The following AGPAT3 variants were observed in gnomAD, a reference collection of about 807,000 sequenced individuals.
AGPAT3 encodes the protein 1-acylglycerol-3-phosphate O-acyltransferase 3.
A neutral mutation model predicts 47.3 loss-of-function variants in AGPAT3; 5 were observed. That is an observed-to-expected ratio of 0.11 (90% CI 0.06 to 0.22). The LOEUF is 0.22. AGPAT3 is among the 10% of genes least tolerant of loss of function. The pLI is 1.00. For missense variants in AGPAT3, 315 were observed against 493.0 expected, an observed-to-expected ratio of 0.64 and a Z score of 3.42; for synonymous variants, 212 against 208.3, an observed-to-expected ratio of 1.02 and a Z score of -0.15.
At chr21:43,876,112 T>C (rs1459616853) in intron 1 of AGPAT3, among the ~76,000 whole-genome samples, 1 of 152,124 alleles carries the variant, frequency 6.6e-6, no homozygotes, top group Non-Finnish European at 1.5e-5. Context: ...ATTTTTTTAA[T>C]AGTTATATTT....
Position 43,920,350 on chromosome 21 carries a change from C to T in AGPAT3, c.-49+16331C>T, listed in dbSNP as rs1257481389. On this transcript the variant is annotated intron_variant, in intron 2 of 9. Coordinates refer to ENST00000291572, the MANE Select transcript of AGPAT3 (RefSeq NM_020132.5). The surrounding 1 kb of genome is among the most constrained non-coding windows in gnomAD (Gnocchi z 6.1). The stretch of plus-strand genomic sequence containing the variant: ...GTGTGACTCGGCTGAGAGGAGACAG[C>T]GCAGCTGGGCAGGTGATGCTTGGTG... 6.6e-6 allele frequency among the ~76,000 whole-genome samples: 1 copy of T among 152,074 alleles called. No individual in the cohort carries two copies. Among genetic ancestry groups the T allele is most frequent in the Non-Finnish European group, 1.5e-5 (1 of 68,012 alleles).
Position 43,971,368 on chromosome 21 carries a change from C to T in AGPAT3, c.665-20C>T. The stretch of plus-strand genomic sequence containing the variant: ...CAGCCGCCTGGGCTGGGTCATTCAC[C>T]CTCCCGTCTCCTCCCACAGTCGCAG... On this transcript the variant is annotated intron_variant, in intron 6 of 9. Transcript: ENST00000291572. 1 of 1,610,686 alleles carries T rather than the reference C, an allele frequency of 6.2e-7. No individual in the cohort carries two copies. The highest frequency in any genetic ancestry group is 8.5e-7 in the Non-Finnish European group (1 of 1,176,906).
At chr21:43,869,841 G>A (rs950255651) in intron 1 of AGPAT3, among the ~76,000 whole-genome samples, 4 of 152,272 alleles carry the variant, frequency 2.6e-5, no homozygotes, top group Middle Eastern at 3.4e-3. Flanking sequence ...GCTCCATGGC[G>A]GCCTCAGAAA....
At position 43,933,874 on chromosome 21, in the gene AGPAT3, C is replaced by T. The variant is rs1018451445; in HGVS notation, c.-48-25760C>T. 1.4e-4 allele frequency among the ~76,000 whole-genome samples: 21 copies of T among 152,186 alleles called. No individual in the cohort carries two copies. Among genetic ancestry groups the T allele is most frequent in the African/African-American group, 3.9e-4 (16 of 41,446 alleles). The stretch of plus-strand genomic sequence containing the variant: ...TGGAGAGTGGACAGTGGCATGGAAA[C>T]GCCAGAGGGTTAGAACTGAGCAGCA... On this transcript the variant is annotated intron_variant, in intron 2 of 9. Transcript: ENST00000291572. The surrounding 1 kb of genome is among the most constrained non-coding windows in gnomAD (Gnocchi z 6.0).
chr21:43,881,044 GA>G (rs1403659146), intron 1 of AGPAT3, among the ~76,000 whole-genome samples: 3 of 152,088 alleles, frequency 2.0e-5, no homozygotes, highest in African/African-American at 7.2e-5. Context: ...AAATTGAGAA[GA>G]AAGTGATAGT....
At chr21:43,960,253 C>T (rs1398988656) in intron 3 of AGPAT3, among the ~76,000 whole-genome samples, 1 of 152,230 alleles carries the variant, frequency 6.6e-6, no homozygotes, top group Non-Finnish European at 1.5e-5. Context: ...AGCATGCATC[C>T]CTGAAAGAAA....
chr21:43,891,270 A>G (rs976014431), intron 1 of AGPAT3, among the ~76,000 whole-genome samples: 1 of 152,170 alleles, frequency 6.6e-6, no homozygotes, highest in Non-Finnish European at 1.5e-5. Context: ...TGTTATTTCC[A>G]CAATGTTCAC....
chr21:43,919,007 C>T (rs780459825), intron 2 of AGPAT3, among the ~76,000 whole-genome samples: 13 of 152,126 alleles, frequency 8.5e-5, no homozygotes, highest in South Asian at 2.1e-4. Flanking sequence ...CCTTCACTTT[C>T]CTGCCTGCTC....
At chr21:43,865,955 C>T (rs550304460) in intron 1 of AGPAT3, among the ~76,000 whole-genome samples, 298 of 152,072 alleles carry the variant, frequency 2.0e-3, no homozygotes, top group African/African-American at 7.0e-3. Flanking sequence ...CGGAGACCGG[C>T]GGCGCGTTTG....
chr21:43,898,401 A>C (rs1277190913), intron 1 of AGPAT3, among the ~76,000 whole-genome samples: 1 of 152,156 alleles, frequency 6.6e-6, no homozygotes, highest in Non-Finnish European at 1.5e-5. Flanking sequence ...GTTTCCCCAC[A>C]AGCACAACAT....
At chr21:43,943,326 G>A (rs1461533918) in intron 2 of AGPAT3, among the ~76,000 whole-genome samples, 3 of 152,042 alleles carry the variant, frequency 2.0e-5, no homozygotes, top group African/African-American at 4.8e-5. Context: ...CACCTGCCTC[G>A]GCCTCCCAAA....
chr21:43,956,810 G>A (rs745452739), intron 2 of AGPAT3, among the ~76,000 whole-genome samples: 1 of 152,194 alleles, frequency 6.6e-6, no homozygotes, highest in African/African-American at 2.4e-5. Context: ...AGGACCTGCC[G>A]CTCACACATC....
rs1184227236 is a variant in AGPAT3 at position 43,984,884 on chromosome 21, C to G, written c.*2492C>G. On this transcript the variant is annotated 3_prime_UTR_variant, in exon 10 of 10. Coordinates refer to ENST00000291572, the MANE Select transcript of AGPAT3 (RefSeq NM_020132.5). The stretch of plus-strand genomic sequence containing the variant: ...AGGCTGAGTGCTCAGGCTGAAGCAA[C>G]TCTGTAGCCCACAGTCCGTGCTGGC... 2.9e-6 allele frequency: 1 copy of G among 340,186 alleles called. No homozygotes were observed. Among genetic ancestry groups the G allele is most frequent in the African/African-American group, 2.2e-5 (1 of 46,476 alleles). 21.1% of individuals were successfully genotyped at this position (340,186 alleles called of 1,614,324 possible). A position where few individuals can be genotyped will look rare whatever the true frequency, so the allele number is the denominator to read the frequency against.
Position 43,955,084 on chromosome 21 carries a change from C to T in AGPAT3, c.-48-4550C>T, listed in dbSNP as rs377124201. ...CAAAGGCTGGGTGCCAGCTGCCTGT[C>T]GGCAGGGAGCGTATCACCGTGGCAC... On this transcript the variant is annotated intron_variant, in intron 2 of 9. Transcript: ENST00000291572. This position sits in a 1 kb window ranked among gnomAD's most constrained non-coding sequence, Gnocchi z 4.1. 49 of 1,248,490 alleles carry T rather than the reference C, an allele frequency of 3.9e-5. No homozygotes were observed. The highest frequency in any genetic ancestry group is 9.1e-5 in the South Asian group (7 of 76,956). The allele number at this position is 1,248,490 out of a possible 1,614,324, so 77.3% of individuals were successfully genotyped here. A position where few individuals can be genotyped will look rare whatever the true frequency, so the allele number is the denominator to read the frequency against.
At chr21:43,938,873 A>AC (rs1357523758) in intron 2 of AGPAT3, among the ~76,000 whole-genome samples, 2 of 152,148 alleles carry the variant, frequency 1.3e-5, no homozygotes, top group Non-Finnish European at 2.9e-5. Context: ...GGATGCAGTC[A>AC]CCTGAAGCCT....
chr21:43,953,801 A>G (rs1249391451), intron 2 of AGPAT3, among the ~76,000 whole-genome samples: 1 of 152,238 alleles, frequency 6.6e-6, no homozygotes, highest in Non-Finnish European at 1.5e-5. Flanking sequence ...ACAATATGCC[A>G]GACTTTACAC....
At position 43,908,732 on chromosome 21, in the gene AGPAT3, T is replaced by G. The variant is rs547117889; in HGVS notation, c.-49+4713T>G. On this transcript the variant is annotated intron_variant, in intron 2 of 9. Transcript: ENST00000291572. This position sits in a 1 kb window ranked among gnomAD's most constrained non-coding sequence, Gnocchi z 4.9. The stretch of plus-strand genomic sequence containing the variant: ...AAGGCTAATTGCAGAGGATGCTCAC[T>G]GATGAGGGCGAGGATCAAAGCCCGT... 6.6e-6 allele frequency among the ~76,000 whole-genome samples: 1 copy of G among 152,338 alleles called. No homozygotes were observed. Among genetic ancestry groups the G allele is most frequent in the Non-Finnish European group, 1.5e-5 (1 of 68,026 alleles).
At chr21:43,918,721 C>T (rs2086819612) in intron 2 of AGPAT3, among the ~76,000 whole-genome samples, 1 of 151,928 alleles carries the variant, frequency 6.6e-6, no homozygotes, top group Admixed American at 6.6e-5. Context: ...GAATTACAGG[C>T]GTGCGCCACC....
intron 2 of AGPAT3, among the ~76,000 whole-genome samples, chr21:43,918,422 T>C (rs766167706): frequency 6.6e-6 from 1 of 151,948 alleles, no homozygotes; most frequent in East Asian, 1.9e-4. Context: ...GGGAAAAGGG[T>C]ATAATTGCAT....
Sources: gnomAD v4.1 joint callset for allele counts (sites outside exome capture counted in the v4.1 genomes callset) on GRCh38, gnomAD v4.1.1 for gene constraint, Gnocchi (gnomAD v3.1) non-coding constraint, MANE v1.5 for transcripts, NCBI Gene and HGNC (gene_info 2026-07-23, HGNC 2026-07-21) for gene names.